RBFOX1: variants seen among roughly 807,000 people sequenced by gnomAD.
The protein encoded by RBFOX1 is RNA binding protein fox-1 homolog 1.
In RBFOX1, 8 loss-of-function variants were observed where a neutral mutation model predicts 57.7. The observed-to-expected ratio is 0.14, with a 90% CI of 0.08 to 0.25. The LOEUF is 0.25. Ranked by LOEUF, RBFOX1 falls within the 10% of genes least tolerant of loss-of-function variation. The pLI, the probability that RBFOX1 is intolerant of heterozygous loss-of-function variation, is 1.00. For synonymous variants in RBFOX1, 326 were observed against 222.4 expected (o/e 1.47, Z -4.15); for missense variants, 611 against 548.5 (o/e 1.11, Z -1.14).
rs375938190 is a variant in RBFOX1 at position 6,219,172 on chromosome 16, T to C, written c.-126-97823T>C. ...TCTAGCACCAGCCCTTGCTACTTTT[T>C]CTTTAGAAAATGAGGGCCGAGTGCA... On this transcript the variant is annotated intron_variant, in intron 1 of 15. Transcript: ENST00000550418. Among the ~76,000 whole-genome samples the C allele has an allele frequency of 3.3e-5, 5 of 152,320 alleles. 1 individual carries two copies. The highest frequency in any genetic ancestry group is 1.2e-4 in the African/African-American group (5 of 41,566).
intron 4 of RBFOX1, among the ~76,000 whole-genome samples, chr16:5,932,051 G>A (rs1372764437): frequency 2.6e-5 from 4 of 152,042 alleles, no homozygotes; most frequent in East Asian, 1.9e-4. Context: ...CAGTCCTCCC[G>A]CCTTGGCTTC....
At chr16:6,745,353 C>G (rs1202369395) in intron 3 of RBFOX1, among the ~76,000 whole-genome samples, 1 of 151,542 alleles carries the variant, frequency 6.6e-6, no homozygotes, top group African/African-American at 2.4e-5. Flanking sequence ...AGAAAAAACC[C>G]CCGAAACCAC....
chr16:5,249,255 A>G (rs1294028085), intron 1 of RBFOX1, among the ~76,000 whole-genome samples: 1 of 152,142 alleles, frequency 6.6e-6, no homozygotes, highest in African/African-American at 2.4e-5. Flanking sequence ...GCCTTCAGGA[A>G]GGATGGGGTG....
At chr16:6,325,892 C>T (rs563100294) in intron 2 of RBFOX1, among the ~76,000 whole-genome samples, 106 of 152,234 alleles carry the variant, frequency 7.0e-4, no homozygotes, top group African/African-American at 2.4e-3. Context: ...CAGAAAATAC[C>T]AGCCCAACTC....
chr16:6,046,351 T>A (rs934594726), intron 1 of RBFOX1, among the ~76,000 whole-genome samples: 2 of 152,150 alleles, frequency 1.3e-5, no homozygotes, highest in African/African-American at 4.8e-5. Flanking sequence ...GAAATAGTAA[T>A]GATTTACTCA....
intron 4 of RBFOX1, among the ~76,000 whole-genome samples, chr16:5,912,847 G>C (rs1167125655): frequency 6.6e-6 from 1 of 152,172 alleles, no homozygotes; most frequent in Non-Finnish European, 1.5e-5. Flanking sequence ...ATGAGGAAAA[G>C]TATAACGAAG....
intron 3 of RBFOX1, among the ~76,000 whole-genome samples, chr16:6,920,975 A>G (rs575599425): frequency 1.2e-3 from 181 of 152,330 alleles, no homozygotes; most frequent in African/African-American, 4.1e-3. Context: ...AATGGATTCT[A>G]TAGTTACTGG....
intron 1 of RBFOX1, among the ~76,000 whole-genome samples, chr16:5,385,161 G>A (rs938029007): frequency 3.9e-4 from 60 of 152,176 alleles, no homozygotes; most frequent in African/African-American, 1.4e-3. Flanking sequence ...TATGCTTTAC[G>A]TGCTTTTTTT....
chr16:5,361,546 AT>A (rs1434768151), intron 1 of RBFOX1, among the ~76,000 whole-genome samples: 5 of 152,222 alleles, frequency 3.3e-5, no homozygotes. Flanking sequence ...AAGATATAAA[AT>A]TGTGAGGCCG....
chr16:7,358,756 G>T (rs1300175985), intron 4 of RBFOX1, among the ~76,000 whole-genome samples: 1 of 152,130 alleles, frequency 6.6e-6, no homozygotes, highest in Non-Finnish European at 1.5e-5. Context: ...GTAGTCACAG[G>T]TGGTAGGTGG....
chr16:7,494,176 G>C (rs1599906631), intron 4 of RBFOX1, among the ~76,000 whole-genome samples: 1 of 152,102 alleles, frequency 6.6e-6, no homozygotes, highest in African/African-American at 2.4e-5. Flanking sequence ...TTTTGGACTG[G>C]GATGTTTGTC....
rs1229013691 is a variant in RBFOX1 at position 7,504,773 on chromosome 16, A to T, written c.28-13374A>T. Among the ~76,000 whole-genome samples, 26 of 9,404 alleles carry T rather than the reference A, an allele frequency of 2.8e-3. 3 individuals carry two copies. Among genetic ancestry groups the T allele is most frequent in the Non-Finnish European group, 4.4e-3 (12 of 2,736 alleles). 6.2% of individuals were successfully genotyped at this position (9,404 alleles called of 152,430 possible). A position where few individuals can be genotyped will look rare whatever the true frequency, so the allele number is the denominator to read the frequency against. On this transcript the variant is annotated intron_variant, in intron 4 of 15. Coordinates refer to ENST00000550418, the MANE Select transcript of RBFOX1 (RefSeq NM_018723.4). ...TATATATTTATATATATATATATTT[A>T]TATATATATATATTTATATATATAT...
chr16:7,194,800 T>A (rs1014028326), intron 4 of RBFOX1, among the ~76,000 whole-genome samples: 6 of 151,938 alleles, frequency 3.9e-5, no homozygotes, highest in African/African-American at 1.5e-4. Flanking sequence ...TGGTGGTGCA[T>A]GCCTGTGGTT....
intron 2 of RBFOX1, among the ~76,000 whole-genome samples, chr16:6,514,097 C>G (rs1204129826): frequency 6.6e-6 from 1 of 152,112 alleles, no homozygotes. Flanking sequence ...AATGAGCTTC[C>G]CTGTCATTAG....
chr16:6,222,601 C>T (rs531172054), intron 1 of RBFOX1, among the ~76,000 whole-genome samples: 21 of 133,248 alleles, frequency 1.6e-4, no homozygotes, highest in Non-Finnish European at 2.7e-4. Context: ...TTTGTTAAGC[C>T]CTGGATTGCT....
At chr16:6,159,066 C>G (rs1480533513) in intron 1 of RBFOX1, among the ~76,000 whole-genome samples, 1 of 152,030 alleles carries the variant, frequency 6.6e-6, no homozygotes, top group Middle Eastern at 3.2e-3. Context: ...CCATGCCCAG[C>G]TAATTTTTTA....
intron 2 of RBFOX1, among the ~76,000 whole-genome samples, chr16:6,560,400 C>G (rs1421180512): frequency 2.0e-5 from 3 of 151,440 alleles, no homozygotes; most frequent in Non-Finnish European, 2.9e-5. Flanking sequence ...GTGGGCCTTA[C>G]TGTGAAGGTG....
At chr16:5,691,563 T>C (rs1389228820) in intron 3 of RBFOX1, among the ~76,000 whole-genome samples, 1 of 152,174 alleles carries the variant, frequency 6.6e-6, no homozygotes, top group African/African-American at 2.4e-5. Flanking sequence ...TTTCAGATTT[T>C]GAATTTTTTC....
Position 6,101,525 on chromosome 16 carries a change from T to C in RBFOX1, c.-127+81533T>C, listed in dbSNP as rs552216280. 2.6e-5 allele frequency among the ~76,000 whole-genome samples: 4 copies of C among 152,270 alleles called. 1 individual carries two copies. In the South Asian group the frequency reaches 8.3e-4, roughly 32 times the overall value. The stretch of plus-strand genomic sequence containing the variant: ...TTTTGAGACAGAGTTTCGCTCTTGT[T>C]GCCTAGGCTGGAGTGCAATGATGTG... On this transcript the variant is annotated intron_variant, in intron 1 of 15. Transcript: ENST00000550418.
Sources: allele counts gnomAD v4.1 joint callset (sites outside exome capture counted in the v4.1 genomes callset), GRCh38; gene constraint gnomAD v4.1.1; transcripts MANE v1.5; gene names NCBI Gene and HGNC (gene_info 2026-07-23, HGNC 2026-07-21).